The following NOTCH1 variants were observed in gnomAD, a reference collection of about 807,000 sequenced individuals.
The protein encoded by NOTCH1 is neurogenic locus notch homolog protein 1.
A neutral mutation model predicts 254.8 loss-of-function variants in NOTCH1; 37 were observed. The observed-to-expected ratio is 0.15, with a 90% CI of 0.11 to 0.19. The LOEUF (loss-of-function observed/expected upper bound fraction) is 0.19, where lower values mean the gene tolerates loss of function less well. NOTCH1 is among the 10% of genes least tolerant of loss of function. The pLI is 1.00. For missense variants in NOTCH1, 2,972 were observed against 3,708.6 expected (o/e 0.80, Z 5.16); for synonymous variants, 1,731 against 1,618.1 (o/e 1.07, Z -1.68).
intron 21 of NOTCH1, among the ~76,000 whole-genome samples, 184 bp from the exon 22 acceptor site, chr9:136,507,621 G>A (rs559192238): frequency 3.9e-5 from 6 of 152,308 alleles, no homozygotes; most frequent in South Asian, 2.1e-4. Context: ...GCGGGGCCTC[G>A]GTGACCGGAG....
rs1392094557 is a variant in NOTCH1, at chr9:136,518,158, C to T, written c.1234G>A (p.Asp412Asn). The T allele has an allele frequency of 3.1e-6, 5 of 1,594,244 alleles. No individual in the cohort carries two copies. The highest frequency in any genetic ancestry group is 4.3e-6 in the Non-Finnish European group (5 of 1,170,806). ...CTACCCAGCGAGCACTCATCCACGT[C>T]CTGGCTGCAGGCCGGGCCCGTGTAC... ...SGYTGPACSQ[D>N]VDECSLGANP... The change falls in exon 7 of 34, where the codon GAC becomes AAC. Residue 412 changes from aspartate (D) to asparagine (N), a missense_variant. Around this residue, in one of 8 missense-constraint regions of NOTCH1, gnomAD observed 90 missense variants for 183.6 expected, o/e 0.49. Transcript: ENST00000651671.
Position 136,545,630 on chromosome 9 carries a change from G to A in NOTCH1, c.61+96C>T. 2 of 1,054,294 alleles carry A rather than the reference G, an allele frequency of 1.9e-6. No homozygotes were observed. The allele number at this position is 1,054,294 out of a possible 1,614,324, so 65.3% of individuals were successfully genotyped here. A position where few individuals can be genotyped will look rare whatever the true frequency, so the allele number is the denominator to read the frequency against. Reference sequence around the variant, plus strand: ...TTTCCCTCTCCATGCTGGCCTCCCCGCCGCCCGCTCCCAGCCGTGGGGCGC... The same window carrying A: ...TTTCCCTCTCCATGCTGGCCTCCCCACCGCCCGCTCCCAGCCGTGGGGCGC... On this transcript the variant is annotated intron_variant, in intron 1 of 33. Transcript: ENST00000651671. This position sits in a 1 kb window ranked among gnomAD's most constrained non-coding sequence, Gnocchi z 6.8.
In NOTCH1 at chr9:136,494,927, G is replaced by A. The variant is rs1842893687; in HGVS notation, c.*1144C>T. The A allele has an allele frequency of 2.5e-6, 1 of 398,664 alleles. No individual in the cohort carries two copies. The allele number at this position is 398,664 out of a possible 1,614,324, so 24.7% of individuals were successfully genotyped here. ...CCCCGCCTCCCTCCAGCCCCTGCCC[G>A]ACCGCATGCCCCCTGCCAGGGCTGC... On this transcript the variant is annotated 3_prime_UTR_variant, in exon 34 of 34. Coordinates refer to ENST00000651671, the MANE Select transcript of NOTCH1 (RefSeq NM_017617.5).
At chr9:136,521,752 A>G (rs1216560365) in intron 4 of NOTCH1, among the ~76,000 whole-genome samples, 1 of 152,204 alleles carries the variant, frequency 6.6e-6, no homozygotes, top group Admixed American at 6.5e-5. Context: ...GTCTGCACGC[A>G]GAGGTGGCTG....
In NOTCH1 at chr9:136,508,275, G is replaced by A. The variant is rs748813647; in HGVS notation, c.3282C>T (p.Cys1094=). The change falls in exon 20 of 34, where the codon TGC becomes TGT. Residue 1094 remains cysteine (C), a synonymous_variant. Coordinates refer to ENST00000651671, the MANE Select transcript of NOTCH1 (RefSeq NM_017617.5). ...ECPSGWTGLY[C]DVPSVSCEVA... ...CCTCACAGGACACGCTGGGCACGTCGCAGTAAAGGCCGGTCCAGCCGCTGG... is the reference window on the plus strand; with the variant it reads ...CCTCACAGGACACGCTGGGCACGTCACAGTAAAGGCCGGTCCAGCCGCTGG... 20 of 1,612,658 alleles carry A rather than the reference G, an allele frequency of 1.2e-5. No individual in the cohort carries two copies. In the South Asian group the frequency reaches 1.3e-4, roughly 11 times the overall value.
At chr9:136,500,500 C>A (rs1589055329) in intron 31 of NOTCH1, 52 bp downstream of exon 31, 2 of 1,599,908 alleles carry the variant, frequency 1.3e-6, no homozygotes, top group African/African-American at 1.3e-5. Flanking sequence ...TGCCCCAGAC[C>A]ACCAGGCGGC....
chr9:136,522,710 G>A, intron 4 of NOTCH1, 140 bp downstream of exon 4: 2 of 801,192 alleles, frequency 2.5e-6, no homozygotes, highest in Admixed American at 3.0e-5. Flanking sequence ...CACGCAGTCT[G>A]GGGAACTCGC....
chr9:136,536,807 C>CT (rs1173685740), intron 2 of NOTCH1, among the ~76,000 whole-genome samples: 1 of 152,258 alleles, frequency 6.6e-6, no homozygotes, highest in Non-Finnish European at 1.5e-5. Flanking sequence ...TGCTCCTCCC[C>CT]TGCCCAGGGG....
intron 15 of NOTCH1, 130 bp downstream of exon 15, chr9:136,512,891 C>T (rs1311068534): frequency 1.5e-6 from 1 of 664,594 alleles, no homozygotes; most frequent in African/African-American, 1.8e-5. Flanking sequence ...ACCCTCCAGT[C>T]ACGGCTTCCC....
chr9:136,518,867 CCT>C (rs768230468), intron 5 of NOTCH1, 43 bp from the exon 6 acceptor site: 23 of 1,555,590 alleles, frequency 1.5e-5, no homozygotes, highest in Non-Finnish European at 1.7e-5. Context: ...GCTGCCACTC[CCT>C]GAGCTCCCTG....
chr9:136,507,467 C>A, intron 21 of NOTCH1, 30 bp from the exon 22 acceptor site: 1 of 1,575,816 alleles, frequency 6.3e-7, no homozygotes, highest in Non-Finnish European at 8.6e-7. Flanking sequence ...AGGGGCCCTT[C>A]GGCTCAGCCG....
intron 2 of NOTCH1, among the ~76,000 whole-genome samples, chr9:136,537,896 C>T (rs1034662536): frequency 2.6e-5 from 4 of 152,122 alleles, no homozygotes; most frequent in Admixed American, 1.3e-4. Flanking sequence ...AGTTTGAGAC[C>T]AGCCTGACCA....
In NOTCH1 at chr9:136,502,993, G is replaced by T. The variant is rs113377894; in HGVS notation, c.5167+189C>A. On this transcript the variant is annotated intron_variant, in intron 27 of 33. Coordinates refer to ENST00000651671, the MANE Select transcript of NOTCH1 (RefSeq NM_017617.5). ...GGACTCGTTCCCAGGTGGCTCCACC[G>T]GCAGCTGTGACCGCCGCAGGTGGGG... The T allele has an allele frequency of 7.3e-3, 6,024 of 820,372 alleles. 227 individuals are homozygous for T. The African/African-American group carries it at 0.086, about 12-fold the overall frequency. 50.8% of individuals were successfully genotyped at this position (820,372 alleles called of 1,614,324 possible). A position where few individuals can be genotyped will look rare whatever the true frequency, so the allele number is the denominator to read the frequency against.
At chr9:136,533,833 C>A (rs1843600296) in intron 2 of NOTCH1, among the ~76,000 whole-genome samples, 1 of 152,274 alleles carries the variant, frequency 6.6e-6, no homozygotes, top group African/African-American at 2.4e-5. Context: ...ACCGCTTGGG[C>A]TGTGGGGGAG....
chr9:136,505,327 A>G lies in NOTCH1; in HGVS notation c.4569T>C (p.Arg1523=). ...GCLFDGFDCQ[R]AEGQCNPLYD... is the part of the protein sequence containing the mutation. ...AGCCTTACTTGCACTGGCCTTCCGC[A>G]CGCTGGCAGTCAAAGCCGTCGAAGA... The change falls in exon 25 of 34, where the codon CGT becomes CGC. Residue 1523 remains arginine (R), a synonymous_variant. Coordinates refer to ENST00000651671, the MANE Select transcript of NOTCH1 (RefSeq NM_017617.5). The G allele has an allele frequency of 6.3e-7, 1 of 1,585,096 alleles. No individual in the cohort carries two copies. Among genetic ancestry groups the G allele is most frequent in the Non-Finnish European group, 8.6e-7 (1 of 1,166,078 alleles).
intron 2 of NOTCH1, among the ~76,000 whole-genome samples, chr9:136,534,642 G>A (rs1843613812): frequency 6.6e-6 from 1 of 152,082 alleles, no homozygotes; most frequent in South Asian, 2.1e-4. Context: ...GGCAGGCGCT[G>A]TGGGGGTTGG....
chr9:136,533,625 G>C (rs1473776770), intron 2 of NOTCH1, among the ~76,000 whole-genome samples: 3 of 152,238 alleles, frequency 2.0e-5, no homozygotes, highest in Non-Finnish European at 4.4e-5. Flanking sequence ...TCTCTGGCCA[G>C]GGTCAGGGCC....
intron 2 of NOTCH1, among the ~76,000 whole-genome samples, chr9:136,530,934 G>A (rs952955158): frequency 3.9e-5 from 6 of 152,208 alleles, no homozygotes; most frequent in Admixed American, 6.5e-5. Context: ...CCGGGCCAGC[G>A]CCAGACATGC....
At chr9:136,528,402 T>C (rs1843504440) in intron 2 of NOTCH1, among the ~76,000 whole-genome samples, 1 of 8,918 alleles carries the variant, frequency 1.1e-4, no homozygotes, top group Non-Finnish European at 1.7e-4. Flanking sequence ...TGGGGGGGGA[T>C]GGGCAGGGAC....
Sources: allele counts gnomAD v4.1 joint callset (sites outside exome capture counted in the v4.1 genomes callset), GRCh38; gene constraint gnomAD v4.1.1; regional missense constraint gnomAD v4.1.1; non-coding constraint Gnocchi (gnomAD v3.1); transcripts MANE v1.5; gene names NCBI Gene and HGNC (gene_info 2026-07-23, HGNC 2026-07-21).